ITPR2: variants seen among roughly 807,000 people sequenced by gnomAD.
ITPR2 encodes inositol 1,4,5-trisphosphate receptor type 2.
Under a neutral mutation model 317.1 loss-of-function variants are expected in ITPR2, and 207 were observed. The ratio of observed to expected loss-of-function variants is 0.65; its 90% CI spans 0.58 to 0.73. ITPR2 has a LOEUF of 0.73. Among genes scored for constraint, ITPR2 ranks in the 30% least tolerant of loss-of-function variants. The probability of loss-of-function intolerance (pLI) is 0.00; values close to 1 mark genes in which losing one functional copy is unlikely to be tolerated. For missense variants in ITPR2, 2,613 were observed against 3,284.0 expected (o/e 0.80, Z 4.99); for synonymous variants, 1,156 against 1,149.1 (o/e 1.01, Z -0.12).
chr12:26,767,873 T>A (rs1335713875), intron 2 of ITPR2, among the ~76,000 whole-genome samples: 2 of 152,264 alleles, frequency 1.3e-5, no homozygotes, highest in African/African-American at 4.8e-5. Flanking sequence ...ACATTATTTA[T>A]ACTTATCAAT....
chr12:26,749,909 T>C (rs1949387012), intron 2 of ITPR2, among the ~76,000 whole-genome samples: 1 of 152,206 alleles, frequency 6.6e-6, no homozygotes, highest in Admixed American at 6.5e-5. Context: ...TAATTCATAT[T>C]TGCTGAGTGT....
intron 8 of ITPR2, among the ~76,000 whole-genome samples, chr12:26,713,682 A>T (rs1350764384): frequency 1.3e-5 from 2 of 152,220 alleles, no homozygotes; most frequent in African/African-American, 4.8e-5. Flanking sequence ...ACTCAGAACC[A>T]ATATTAAATA....
At chr12:26,494,882 C>T (rs185713084) in intron 38 of ITPR2, among the ~76,000 whole-genome samples, 153 of 138,860 alleles carry the variant, frequency 1.1e-3, no homozygotes, top group Middle Eastern at 4.0e-3. Flanking sequence ...TTCTTAAAAA[C>T]AGAAAGAGAA....
At position 26,656,555 on chromosome 12, in the gene ITPR2, A is replaced by G; in HGVS notation, c.2193-7T>C. 3 of 1,613,882 alleles carry G rather than the reference A, an allele frequency of 1.9e-6. No homozygotes were observed. The East Asian group carries it at 6.7e-5, about 36-fold the overall frequency. On this transcript the variant is annotated splice_polypyrimidine_tract_variant and splice_region_variant and intron_variant, in intron 18 of 56. Coordinates refer to ENST00000381340, the MANE Select transcript of ITPR2 (RefSeq NM_002223.4). ...AAAGAGGTTTAGCTGGTACCTTAAA[A>G]ATGGTAAACATATTACATTATTGTC...
chr12:26,787,781 A>T (rs7316091), intron 2 of ITPR2, among the ~76,000 whole-genome samples: 1 of 152,088 alleles, frequency 6.6e-6, no homozygotes, highest in Non-Finnish European at 1.5e-5. Flanking sequence ...ACAGACTATG[A>T]GACTATGGGC....
chr12:26,421,536 T>C (rs1448200388), intron 49 of ITPR2: 1 of 120,046 alleles, frequency 8.3e-6, no homozygotes, highest in Non-Finnish European at 1.6e-5. Context: ...TGTTTTCATA[T>C]AGCATTTTCC....
At chr12:26,675,560 G>T (rs565248874) in intron 13 of ITPR2, among the ~76,000 whole-genome samples, 4 of 152,104 alleles carry the variant, frequency 2.6e-5, no homozygotes, top group South Asian at 2.1e-4. Context: ...GTGGGGGAAG[G>T]GGGGAGGGAT....
At chr12:26,774,274 A>G (rs1949919840) in intron 2 of ITPR2, among the ~76,000 whole-genome samples, 1 of 152,206 alleles carries the variant, frequency 6.6e-6, no homozygotes, top group Admixed American at 6.5e-5. Context: ...CAACTATGTT[A>G]CATGCTCGGT....
intron 26 of ITPR2, among the ~76,000 whole-genome samples, chr12:26,605,126 A>AATATATAT (rs71069256): frequency 1.5e-5 from 2 of 136,310 alleles, no homozygotes; most frequent in African/African-American, 5.3e-5. Context: ...AAAAAATAAA[A>AATATATAT]ATATATATAT....
chr12:26,775,810 A>G (rs907705117), intron 2 of ITPR2, among the ~76,000 whole-genome samples: 2 of 151,512 alleles, frequency 1.3e-5, no homozygotes, highest in African/African-American at 2.4e-5. Context: ...GCCATTGAAC[A>G]TTGGACTCTA....
In ITPR2 at chr12:26,812,306, G is replaced by A. The variant is rs550735034; in HGVS notation, c.92+20384C>T. 6.6e-5 allele frequency among the ~76,000 whole-genome samples: 10 copies of A among 152,182 alleles called. No individual in the cohort carries two copies. In the South Asian group the frequency reaches 1.4e-3, roughly 22 times the overall value. On this transcript the variant is annotated intron_variant, in intron 1 of 56. Transcript: ENST00000381340. Reference sequence around the variant, plus strand: ...AAAAAAACCTAATACGGCCGGATGCGGTGGCTCATGCCTGTAATCCCAAGC... The same window carrying A: ...AAAAAAACCTAATACGGCCGGATGCAGTGGCTCATGCCTGTAATCCCAAGC...
intron 43 of ITPR2, among the ~76,000 whole-genome samples, chr12:26,479,189 A>G (rs75111741): frequency 0.01 from 1,527 of 151,118 alleles, 29 homozygotes; most frequent in African/African-American, 0.035. Context: ...AGCCAAATCT[A>G]TATTTGGTAT....
At chr12:26,720,689 C>T (rs1390343153) in intron 5 of ITPR2, among the ~76,000 whole-genome samples, 2 of 152,146 alleles carry the variant, frequency 1.3e-5, no homozygotes, top group Non-Finnish European at 2.9e-5. Context: ...CAGATAAGAA[C>T]TCCTGTATTG....
intron 22 of ITPR2, among the ~76,000 whole-genome samples, chr12:26,630,358 G>T: frequency 6.7e-6 from 1 of 149,782 alleles, no homozygotes; most frequent in South Asian, 2.1e-4. Flanking sequence ...CAGAGAAAAA[G>T]AATTAAGAGA....
chr12:26,790,364 G>A, intron 1 of ITPR2, 137 bp from the exon 2 acceptor site: 2 of 649,560 alleles, frequency 3.1e-6, no homozygotes, highest in Admixed American at 6.0e-5. Flanking sequence ...ACAATCATGG[G>A]TCTGTAAAAA....
intron 54 of ITPR2, among the ~76,000 whole-genome samples, chr12:26,394,443 C>T (rs1422924164): frequency 2.0e-5 from 3 of 152,056 alleles, no homozygotes; most frequent in African/African-American, 7.2e-5. Context: ...AGAGAGAGGG[C>T]AGGAGTTCAA....
At position 26,568,413 on chromosome 12, in the gene ITPR2, A is replaced by AT. The variant is rs1254748824; in HGVS notation, c.4631-6462dup. Among the ~76,000 whole-genome samples the AT allele has an allele frequency of 2.6e-5, 4 of 151,842 alleles. No individual in the cohort carries two copies. The East Asian group carries it at 7.7e-4, about 29-fold the overall frequency. On this transcript the variant is annotated intron_variant, in intron 34 of 56. Transcript: ENST00000381340. ...CTAAAATAGGCTATCTTTATTCACA[A>AT]TTTTTTTTATTTTTAGGCAACTGTC...
At chr12:26,752,082 A>G (rs1290246836) in intron 2 of ITPR2, among the ~76,000 whole-genome samples, 1 of 152,190 alleles carries the variant, frequency 6.6e-6, no homozygotes, top group Non-Finnish European at 1.5e-5. Flanking sequence ...CACATTAGAC[A>G]TCTAAAAACC....
chr12:26,669,713 G>C (rs543213929), intron 13 of ITPR2, among the ~76,000 whole-genome samples: 3 of 150,454 alleles, frequency 2.0e-5, no homozygotes, highest in South Asian at 2.1e-4. Context: ...AGTGGGTGCA[G>C]CGCACCATGC....
Sources: gnomAD v4.1 joint callset for allele counts (sites outside exome capture counted in the v4.1 genomes callset) on GRCh38, gnomAD v4.1.1 for gene constraint, MANE v1.5 for transcripts, NCBI Gene and HGNC (gene_info 2026-07-23, HGNC 2026-07-21) for gene names.